The following HTR4 variants were observed in gnomAD, a reference collection of about 807,000 sequenced individuals.
The protein encoded by HTR4 is 5-hydroxytryptamine receptor 4.
In HTR4, 16 loss-of-function variants were observed where a neutral mutation model predicts 36.8. That is an observed-to-expected ratio of 0.43 (90% CI 0.29 to 0.66). The LOEUF (loss-of-function observed/expected upper bound fraction) is 0.66, where lower values mean the gene tolerates loss of function less well. HTR4 is among the 30% of genes least tolerant of loss of function. HTR4 has a pLI of 0.13. For missense variants in HTR4, 438 were observed against 490.9 expected (o/e 0.89, Z 1.02); for synonymous variants, 189 against 185.1 (o/e 1.02, Z -0.17).
chr5:148,644,421 AGTTTTTTTTTT>A (rs1283202182), intron 1 of HTR4, among the ~76,000 whole-genome samples: 27 of 85,854 alleles, frequency 3.1e-4, no homozygotes, highest in African/African-American at 1.2e-3. Context: ...CAAGCTCACA[AGTTTTTTTTTT>A]TTTTTTTTTT....
chr5:148,650,417 G>C (rs112195688), intron 1 of HTR4, among the ~76,000 whole-genome samples: 70 of 152,292 alleles, frequency 4.6e-4, no homozygotes, highest in Non-Finnish European at 7.6e-4. Flanking sequence ...CTTAAGGCTA[G>C]CCCTATGAAT....
Position 148,521,652 on chromosome 5 carries a change from C to T in HTR4, c.507+1541G>A, listed in dbSNP as rs1308978109. Among the ~76,000 whole-genome samples the T allele has an allele frequency of 2.6e-5, 4 of 152,130 alleles. No individual in the cohort carries two copies. In the East Asian group the frequency reaches 5.8e-4, roughly 22 times the overall value. ...ATCCCTTTCTCTCTCTCTACACAAACACACACACCCATTAGTTATGTTTAT... is the reference window on the plus strand; with the variant it reads ...ATCCCTTTCTCTCTCTCTACACAAATACACACACCCATTAGTTATGTTTAT... On this transcript the variant is annotated intron_variant, in intron 5 of 6. Transcript: ENST00000377888.
intron 2 of HTR4, among the ~76,000 whole-genome samples, chr5:148,598,188 G>A (rs1761852792): frequency 6.6e-6 from 1 of 152,014 alleles, no homozygotes; most frequent in Admixed American, 6.6e-5. Context: ...GCTGAGGGAA[G>A]GACAGACTGA....
intron 5 of HTR4, among the ~76,000 whole-genome samples, chr5:148,464,647 G>T (rs781615539): frequency 6.6e-6 from 1 of 152,148 alleles, no homozygotes; most frequent in Non-Finnish European, 1.5e-5. Context: ...ATGCAAAATG[G>T]TTTAGCCACT....
downstream of HTR4, among the ~76,000 whole-genome samples, chr5:148,472,761 A>G (rs1490785359): frequency 2.0e-5 from 3 of 152,128 alleles, no homozygotes; most frequent in East Asian, 5.8e-4. Context: ...CTGAGAGCTG[A>G]AATAGGAAGT....
downstream of HTR4, chr5:148,476,710 A>T: frequency 6.2e-7 from 1 of 1,611,820 alleles, no homozygotes; most frequent in Non-Finnish European, 8.5e-7. Flanking sequence ...AAAATGAGCA[A>T]TAAGAATTGG....
intron 1 of HTR4, among the ~76,000 whole-genome samples, chr5:148,641,051 T>A (rs1753715246): frequency 6.6e-6 from 1 of 152,202 alleles, no homozygotes; most frequent in Admixed American, 6.5e-5. Context: ...TATGCCTGAC[T>A]ATTTTCTGCA....
intron 2 of HTR4, among the ~76,000 whole-genome samples, chr5:148,576,352 C>T (rs896854760): frequency 1.3e-5 from 2 of 151,788 alleles, no homozygotes; most frequent in African/African-American, 2.4e-5. Context: ...ATCCCATGTG[C>T]GTGGATAGAA....
At chr5:148,500,387 G>A (rs1047072833) in intron 6 of HTR4, among the ~76,000 whole-genome samples, 3 of 152,124 alleles carry the variant, frequency 2.0e-5, no homozygotes, top group African/African-American at 7.2e-5. Flanking sequence ...GAGGGGAAGA[G>A]CCTCTAAAAG....
At chr5:148,599,052 A>G (rs1761890527) in intron 2 of HTR4, among the ~76,000 whole-genome samples, 1 of 152,210 alleles carries the variant, frequency 6.6e-6, no homozygotes, top group African/African-American at 2.4e-5. Context: ...AGAACATTAA[A>G]AAACAGGAAG....
intron 2 of HTR4, among the ~76,000 whole-genome samples, chr5:148,594,938 TC>T (rs1433080053): frequency 6.6e-6 from 1 of 152,132 alleles, no homozygotes; most frequent in Non-Finnish European, 1.5e-5. Flanking sequence ...ATGTATTTAC[TC>T]CCTAGAAGCT....
Position 148,523,438 on chromosome 5 carries a change from A to T in HTR4, c.354-92T>A, listed in dbSNP as rs570436308. On this transcript the variant is annotated intron_variant, in intron 4 of 6. Transcript: ENST00000377888. ...ATATATGAGAGAGAAAAGGGGAGGAAGAGGGGATGGAGCAAGGGATAGAGA... is the reference window on the plus strand; with the variant it reads ...ATATATGAGAGAGAAAAGGGGAGGATGAGGGGATGGAGCAAGGGATAGAGA... 48 of 1,053,178 alleles carry T rather than the reference A, an allele frequency of 4.6e-5. No individual in the cohort carries two copies. The African/African-American group carries it at 6.2e-4, about 14-fold the overall frequency. The allele number at this position is 1,053,178 out of a possible 1,614,324, so 65.2% of individuals were successfully genotyped here. A position where few individuals can be genotyped will look rare whatever the true frequency, so the allele number is the denominator to read the frequency against.
At chr5:148,499,796 C>T (rs906536819) in intron 6 of HTR4, among the ~76,000 whole-genome samples, 1 of 152,124 alleles carries the variant, frequency 6.6e-6, no homozygotes, top group African/African-American at 2.4e-5. Context: ...TTGGTGCCCT[C>T]CTTGCAGTAA....
At position 148,526,134 on chromosome 5, in the gene HTR4, G is replaced by C. The variant is rs1221508534; in HGVS notation, c.354-2788C>G. The stretch of plus-strand genomic sequence containing the variant: ...TTTCAGACTTCTAGCCTTTAGAGCA[G>C]TGAGACAACAAGTGTGTATTGTTCT... On this transcript the variant is annotated intron_variant, in intron 4 of 6. Coordinates refer to ENST00000377888, the MANE Select transcript of HTR4 (RefSeq NM_000870.7). Among the ~76,000 whole-genome samples the C allele has an allele frequency of 2.6e-5, 4 of 152,166 alleles. No homozygotes were observed. In the East Asian group the frequency reaches 7.7e-4, roughly 29 times the overall value.
intron 5 of HTR4, among the ~76,000 whole-genome samples, chr5:148,459,631 A>G (rs541461755): frequency 2.4e-4 from 36 of 152,308 alleles, no homozygotes; most frequent in Non-Finnish European, 5.0e-4. Context: ...CTCCCCGCAT[A>G]CCTTAACACC....
At chr5:148,540,436 AT>A (rs1197528194) in intron 4 of HTR4, among the ~76,000 whole-genome samples, 5 of 135,786 alleles carry the variant, frequency 3.7e-5, no homozygotes, top group Non-Finnish European at 6.4e-5. Flanking sequence ...ATATATATAT[AT>A]ATATATATAT....
intron 2 of HTR4, among the ~76,000 whole-genome samples, chr5:148,631,820 A>G (rs1161042233): frequency 6.6e-6 from 1 of 152,048 alleles, no homozygotes; most frequent in Non-Finnish European, 1.5e-5. Context: ...GAAGCCAACT[A>G]CTCACTTTGT....
chr5:148,451,838 T>C (rs1754981251), intron 5 of HTR4, among the ~76,000 whole-genome samples: 1 of 152,236 alleles, frequency 6.6e-6, no homozygotes, highest in South Asian at 2.1e-4. Flanking sequence ...AAGTGTTTAT[T>C]ATTTTTCTGC....
At chr5:148,625,693 G>T (rs557992906) in intron 2 of HTR4, among the ~76,000 whole-genome samples, 21 of 152,174 alleles carry the variant, frequency 1.4e-4, no homozygotes, top group Admixed American at 1.2e-3. Context: ...CGATTCGCCT[G>T]CCCCAGCCTC....
Sources: gnomAD v4.1 joint callset for allele counts (sites outside exome capture counted in the v4.1 genomes callset) on GRCh38, gnomAD v4.1.1 for gene constraint, MANE v1.5 for transcripts, NCBI Gene and HGNC (gene_info 2026-07-23, HGNC 2026-07-21) for gene names.